WIPF1: variants seen among roughly 807,000 people sequenced by gnomAD.
The protein encoded by WIPF1 is WAS/WASL interacting protein family member 1, also known as WAS/WASL-interacting protein family member 1.
WIPF1 carries 13 observed loss-of-function variants against 35.4 expected under a neutral mutation model. The ratio of observed to expected loss-of-function variants is 0.37; its 90% CI spans 0.24 to 0.58. The LOEUF (loss-of-function observed/expected upper bound fraction) is 0.58, where lower values mean the gene tolerates loss of function less well. Among genes scored for constraint, WIPF1 ranks in the 20% least tolerant of loss-of-function variants. WIPF1 has a pLI of 0.74. For missense variants in WIPF1, 591 were observed against 667.0 expected, an observed-to-expected ratio of 0.89 and a Z score of 1.25; for synonymous variants, 267 against 266.3, an observed-to-expected ratio of 1.00 and a Z score of -0.02.
At chr2:174,573,019 TAAGA>T (rs1684925928) in intron 4 of WIPF1, among the ~76,000 whole-genome samples, 1 of 151,984 alleles carries the variant, frequency 6.6e-6, no homozygotes, top group Admixed American at 6.6e-5. Flanking sequence ...AAGAAAAAAC[TAAGA>T]AAGGAAAAAG....
intron 1 of WIPF1, among the ~76,000 whole-genome samples, chr2:174,619,899 G>A (rs1284325243): frequency 2.6e-5 from 4 of 150,960 alleles, no homozygotes; most frequent in Non-Finnish European, 4.4e-5. Flanking sequence ...CCATGACTGC[G>A]CCACTGCACT....
rs557514767 is a variant in WIPF1 at position 174,642,825 on chromosome 2, G to T, written c.-39+39949C>A. Among the ~76,000 whole-genome samples, 10 of 149,020 alleles carry T rather than the reference G, an allele frequency of 6.7e-5. No individual in the cohort carries two copies. In the South Asian group the frequency reaches 2.1e-3, roughly 31 times the overall value. ...CCACTGCACCTGGCACCTCCTCCAC[G>T]TTTCTTATTTCCTTTTCCCCACTTT... On this transcript the variant is annotated intron_variant, in intron 1 of 8. Transcript: ENST00000272746.
intron 1 of WIPF1, among the ~76,000 whole-genome samples, chr2:174,627,965 G>A (rs904608172): frequency 5.3e-5 from 8 of 152,142 alleles, no homozygotes; most frequent in African/African-American, 1.9e-4. Context: ...ACTTAGGAGA[G>A]GCTGCTGTTT....
chr2:174,629,744 C>A (rs551331717), intron 1 of WIPF1: 3 of 152,228 alleles, frequency 2.0e-5, no homozygotes, highest in African/African-American at 7.2e-5. Flanking sequence ...TCTAGCCTTC[C>A]GCGTAGCAGG....
At chr2:174,655,089 T>C (rs1687613950) in intron 1 of WIPF1, among the ~76,000 whole-genome samples, 1 of 152,134 alleles carries the variant, frequency 6.6e-6, no homozygotes, top group Admixed American at 6.5e-5. Flanking sequence ...CTTCCAGTGT[T>C]CCCTATTGCA....
chr2:174,586,294 G>C (rs1685420919), intron 1 of WIPF1, among the ~76,000 whole-genome samples: 1 of 152,176 alleles, frequency 6.6e-6, no homozygotes, highest in Non-Finnish European at 1.5e-5. Flanking sequence ...AGCGAAAACA[G>C]AGCGGGCATG....
intron 1 of WIPF1, among the ~76,000 whole-genome samples, chr2:174,619,563 G>A (rs1296468762): frequency 6.6e-6 from 1 of 152,172 alleles, no homozygotes; most frequent in Non-Finnish European, 1.5e-5. Context: ...CAGAAGTATT[G>A]GATCAAAGAG....
intron 7 of WIPF1, chr2:174,566,863 G>C (rs1684676531): frequency 3.9e-6 from 2 of 518,910 alleles, no homozygotes; most frequent in African/African-American, 3.9e-5. Flanking sequence ...AGCTTGTAAT[G>C]ACACATTAAA....
chr2:174,566,869 T>C (rs1559144769), intron 7 of WIPF1: 1 of 529,180 alleles, frequency 1.9e-6, no homozygotes. Context: ...TAATGACACA[T>C]TAAAATAACT....
chr2:174,595,105 A>ATATATATATATATATAT (rs1559155535), intron 1 of WIPF1, among the ~76,000 whole-genome samples: 1 of 40,578 alleles, frequency 2.5e-5, no homozygotes, highest in Non-Finnish European at 4.7e-5. Context: ...AAAAAAAAAA[A>ATATATATATATATATAT]AAAAATATAT....
chr2:174,574,591 A>C (rs1684984746), intron 4 of WIPF1: 1 of 347,586 alleles, frequency 2.9e-6, no homozygotes, highest in South Asian at 7.5e-5. Context: ...TGCCCTCTGC[A>C]AAGTTTTTTA....
chr2:174,670,700 G>A lies in WIPF1; in HGVS notation c.-39+12074C>T, dbSNP rs148389633. On this transcript the variant is annotated intron_variant, in intron 1 of 8. Coordinates refer to the WIPF1 transcript ENST00000272746. ...AGCAATGCGTTGTTCCTTAGACCAG[G>A]ACTAAGAATTACAAATAGGAGGCTC... is the stretch of plus-strand genomic sequence containing the variant. 3.9e-5 allele frequency among the ~76,000 whole-genome samples: 6 copies of A among 152,310 alleles called. No individual in the cohort carries two copies. The East Asian group carries it at 1.2e-3, about 29-fold the overall frequency.
chr2:174,646,975 C>T (rs149285725), intron 1 of WIPF1, among the ~76,000 whole-genome samples: 22 of 152,190 alleles, frequency 1.4e-4, no homozygotes, highest in East Asian at 1.2e-3. Flanking sequence ...AGAAATCAAA[C>T]GGAACAGAGC....
At chr2:174,630,034 A>C (rs1337298386) in intron 1 of WIPF1, among the ~76,000 whole-genome samples, 1 of 152,214 alleles carries the variant, frequency 6.6e-6, no homozygotes, top group African/African-American at 2.4e-5. Context: ...GTAGGCTCCA[A>C]GATATCACTT....
In WIPF1 at chr2:174,572,464, A is replaced by G. The variant is rs1559147587; in HGVS notation, c.359-18T>C. The stretch of plus-strand genomic sequence containing the variant: ...TCCAGAATCTGAAGAACAGGAAAAC[A>G]AACATCAGTTAGGAAATCAGGAACC... On this transcript the variant is annotated intron_variant, in intron 4 of 7. Coordinates refer to ENST00000679041, the MANE Select transcript of WIPF1 (RefSeq NM_001375834.1). 1 of 1,614,060 alleles carries G rather than the reference A, an allele frequency of 6.2e-7. No homozygotes were observed.
chr2:174,586,596 G>A (rs1377665531), intron 1 of WIPF1, among the ~76,000 whole-genome samples: 1 of 152,004 alleles, frequency 6.6e-6, no homozygotes, highest in Non-Finnish European at 1.5e-5. Flanking sequence ...CACCAGCCAG[G>A]AGCCCTCTCC....
intron 1 of WIPF1, among the ~76,000 whole-genome samples, chr2:174,613,645 C>A (rs1057068460): frequency 6.6e-6 from 1 of 152,162 alleles, no homozygotes; most frequent in Non-Finnish European, 1.5e-5. Flanking sequence ...GCTACTATTA[C>A]GATTATTAAG....
At chr2:174,595,109 A>AAAAAAAAAAAAAAATATATATAT (rs1553529785) in intron 1 of WIPF1, among the ~76,000 whole-genome samples, 1 of 57,738 alleles carries the variant, frequency 1.7e-5, no homozygotes, top group African/African-American at 9.0e-5. Context: ...AAAAAAAAAA[A>AAAAAAAAAAAAAAATATATATAT]ATATATATAT....
At chr2:174,578,646 T>G (rs1238840447) in intron 3 of WIPF1, among the ~76,000 whole-genome samples, 3 of 152,222 alleles carry the variant, frequency 2.0e-5, no homozygotes, top group Non-Finnish European at 4.4e-5. Flanking sequence ...AGTTCCACTT[T>G]TATTCATTTT....
Sources: allele counts gnomAD v4.1 joint callset (sites outside exome capture counted in the v4.1 genomes callset), GRCh38; gene constraint gnomAD v4.1.1; transcripts MANE v1.5; gene names NCBI Gene and HGNC (gene_info 2026-07-23, HGNC 2026-07-21).